The following UHRF2 variants were observed in gnomAD, a reference collection of about 807,000 sequenced individuals.
UHRF2 encodes E3 ubiquitin-protein ligase UHRF2.
In UHRF2, 23 loss-of-function variants were observed where a neutral mutation model predicts 96.8. That is an observed-to-expected ratio of 0.24 (90% CI 0.17 to 0.34). The LOEUF is 0.34. Ranked by LOEUF, UHRF2 falls within the 10% of genes least tolerant of loss-of-function variation. The pLI, the probability that UHRF2 is intolerant of heterozygous loss-of-function variation, is 1.00. For missense variants in UHRF2, 685 were observed against 981.5 expected, an observed-to-expected ratio of 0.70 and a Z score of 4.04; for synonymous variants, 385 against 332.6, an observed-to-expected ratio of 1.16 and a Z score of -1.72.
chr9:6,494,180 C>G (rs1327651941), intron 10 of UHRF2: 1 of 368,392 alleles, frequency 2.7e-6, no homozygotes, highest in Non-Finnish European at 4.8e-6. Context: ...ATGTTAACAA[C>G]TTTGAAGGAA....
chr9:6,499,927 A>G lies in UHRF2; in HGVS notation c.2001A>G (p.Ser667=). 6.2e-7 allele frequency: 1 copy of G among 1,608,224 alleles called. No individual in the cohort carries two copies. ...QPSGTTKRPI[S]DDDCPSASKV... is the part of the protein sequence containing the mutation. ...GTGGAACCACAAAAAGGCCAATTTC[A>G]GATGGTAGGTAATGATTGCAAAATA... is the stretch of plus-strand genomic sequence containing the variant. The change falls in exon 13 of 16, where the codon TCA becomes TCG. Residue 667 remains serine (S), a synonymous_variant. Transcript: ENST00000276893.
chr9:6,499,572 T>G (rs1181876245), intron 12 of UHRF2: 1 of 228,514 alleles, frequency 4.4e-6, no homozygotes, highest in Non-Finnish European at 8.6e-6. Context: ...TCCTGAAGAC[T>G]TACCTTTCTT....
intron 2 of UHRF2, among the ~76,000 whole-genome samples, chr9:6,428,766 C>T (rs1820406887): frequency 6.6e-6 from 1 of 152,050 alleles, no homozygotes; most frequent in South Asian, 2.1e-4. Context: ...CCAGGCTGGT[C>T]TTGAACTCCT....
intron 3 of UHRF2, among the ~76,000 whole-genome samples, chr9:6,451,310 TG>T (rs1691574666): frequency 6.6e-6 from 1 of 152,218 alleles, no homozygotes; most frequent in African/African-American, 2.4e-5. Flanking sequence ...ATTATGCTTT[TG>T]GTTTTTAGGG....
chr9:6,431,206 A>G (rs528961048), intron 2 of UHRF2, among the ~76,000 whole-genome samples: 6 of 152,316 alleles, frequency 3.9e-5, no homozygotes, highest in African/African-American at 1.4e-4. Context: ...AATGTGCAGA[A>G]AGTTTTGAAT....
At chr9:6,487,077 T>C (rs751116262) in intron 9 of UHRF2, 152 bp downstream of exon 9, 2 of 679,336 alleles carry the variant, frequency 2.9e-6, no homozygotes, top group Non-Finnish European at 5.0e-6. Flanking sequence ...AAGTAAATCA[T>C]TTGACAGTGT....
intron 4 of UHRF2, among the ~76,000 whole-genome samples, chr9:6,465,389 T>C (rs1453066220): frequency 6.6e-6 from 1 of 152,220 alleles, no homozygotes; most frequent in East Asian, 1.9e-4. Flanking sequence ...TGTCCTTGTC[T>C]TGAATGTTTG....
chr9:6,427,809 C>A (rs1419624465), intron 2 of UHRF2, among the ~76,000 whole-genome samples: 1 of 152,156 alleles, frequency 6.6e-6, no homozygotes, highest in African/African-American at 2.4e-5. Flanking sequence ...AAACTAGATA[C>A]CACTACTACA....
intron 3 of UHRF2, among the ~76,000 whole-genome samples, chr9:6,444,310 G>A (rs554795399): frequency 1.3e-5 from 2 of 152,288 alleles, no homozygotes; most frequent in South Asian, 4.1e-4. Context: ...TGACTTGTAG[G>A]CTCCTGAGTG....
chr9:6,481,577 A>G, intron 6 of UHRF2, 66 bp from the exon 7 acceptor site: 1 of 1,566,208 alleles, frequency 6.4e-7, no homozygotes, highest in East Asian at 2.2e-5. Flanking sequence ...TAGGAAGGCT[A>G]ATATTCTGTT....
chr9:6,464,990 C>G (rs1253058574), intron 4 of UHRF2, among the ~76,000 whole-genome samples: 2 of 152,044 alleles, frequency 1.3e-5, no homozygotes, highest in African/African-American at 4.8e-5. Context: ...TAGATTGTTT[C>G]AAAATGTTTG....
At chr9:6,471,273 G>C (rs1023927541) in intron 4 of UHRF2, among the ~76,000 whole-genome samples, 4 of 152,130 alleles carry the variant, frequency 2.6e-5, no homozygotes, top group African/African-American at 9.6e-5. Context: ...ATCAGTGGCT[G>C]TGCAGGAGAA....
intron 3 of UHRF2, among the ~76,000 whole-genome samples, chr9:6,440,850 G>T (rs947707143): frequency 6.6e-6 from 1 of 152,170 alleles, no homozygotes; most frequent in African/African-American, 2.4e-5. Context: ...TCTCCGCATA[G>T]AATTTCTAGT....
At chr9:6,453,464 C>G (rs1348770972) in intron 3 of UHRF2, among the ~76,000 whole-genome samples, 1 of 152,054 alleles carries the variant, frequency 6.6e-6, no homozygotes, top group African/African-American at 2.4e-5. Flanking sequence ...CTTACATGGA[C>G]TTAAGAATAT....
chr9:6,424,776 A>G (rs1587768257), intron 2 of UHRF2, among the ~76,000 whole-genome samples: 1 of 135,098 alleles, frequency 7.4e-6, no homozygotes, highest in African/African-American at 2.8e-5. Flanking sequence ...ATTTCTCAGG[A>G]TTTTTTTTTT....
chr9:6,470,313 C>T (rs1171743466), intron 4 of UHRF2, among the ~76,000 whole-genome samples: 1 of 146,756 alleles, frequency 6.8e-6, no homozygotes, highest in African/African-American at 2.5e-5. Context: ...GTGGAGGTTG[C>T]AGTGAGCTGA....
intron 3 of UHRF2, among the ~76,000 whole-genome samples, chr9:6,446,150 A>C (rs1587804953): frequency 9.9e-6 from 1 of 101,006 alleles, no homozygotes; most frequent in African/African-American, 3.0e-5. Flanking sequence ...ACGTCACCTC[A>C]CCTGGATAAT....
At chr9:6,457,577 C>T (rs570187044) in intron 3 of UHRF2, among the ~76,000 whole-genome samples, 2 of 152,290 alleles carry the variant, frequency 1.3e-5, no homozygotes, top group East Asian at 3.9e-4. Context: ...CCATCCCTGT[C>T]TTGTGCCAGT....
chr9:6,481,052 A>G (rs1270007877), intron 6 of UHRF2, among the ~76,000 whole-genome samples: 1 of 152,194 alleles, frequency 6.6e-6, no homozygotes, highest in African/African-American at 2.4e-5. Context: ...GTAGACGTAT[A>G]CCTTGCTTTT....
Sources: gnomAD v4.1 joint callset for allele counts (sites outside exome capture counted in the v4.1 genomes callset) on GRCh38, gnomAD v4.1.1 for gene constraint, MANE v1.5 for transcripts, NCBI Gene and HGNC (gene_info 2026-07-23, HGNC 2026-07-21) for gene names.